Variants in PTBP3 observed in about 807,000 individuals in gnomAD.
PTBP3 encodes polypyrimidine tract-binding protein 3.
Under a neutral mutation model 58.7 loss-of-function variants are expected in PTBP3, and 20 were observed. That is an observed-to-expected ratio of 0.34 (90% CI 0.24 to 0.50). The LOEUF is 0.50. PTBP3 is among the 20% of genes least tolerant of loss of function. The probability of loss-of-function intolerance (pLI) is 0.98; values close to 1 mark genes in which losing one functional copy is unlikely to be tolerated. For synonymous variants in PTBP3, 185 were observed against 219.8 expected (o/e 0.84, Z 1.40); for missense variants, 509 against 637.2 (o/e 0.80, Z 2.17).
At chr9:112,355,981 CTTCT>C in the PTBP3 span, among the ~76,000 whole-genome samples, 49 of 147,738 alleles carry the variant, frequency 3.3e-4, no homozygotes, top group African/African-American at 8.2e-4. Context: ...TCCTTCCTTC[CTTCT>C]TTCTTTCTCT....
At chr9:112,252,101 T>G (rs927134262) in intron 6 of PTBP3, among the ~76,000 whole-genome samples, 6 of 152,124 alleles carry the variant, frequency 3.9e-5, no homozygotes, top group Non-Finnish European at 8.8e-5. Context: ...CAAAATAGGT[T>G]TTCGTGTACT....
chr9:112,257,581 A>G (rs1365044060), intron 5 of PTBP3, among the ~76,000 whole-genome samples: 2 of 152,196 alleles, frequency 1.3e-5, no homozygotes, highest in Non-Finnish European at 2.9e-5. Context: ...TCATCTTCAG[A>G]GTGATTTTTT....
At chr9:112,267,123 G>A (rs1836830562) in intron 4 of PTBP3, among the ~76,000 whole-genome samples, 1 of 151,644 alleles carries the variant, frequency 6.6e-6, no homozygotes. Context: ...AGAATACAGA[G>A]GCCAAACATG....
intron 5 of PTBP3, among the ~76,000 whole-genome samples, chr9:112,258,051 G>A (rs565022792): frequency 6.6e-6 from 1 of 151,636 alleles, no homozygotes; most frequent in Non-Finnish European, 1.5e-5. Flanking sequence ...GAAATAACAT[G>A]ATTTAAGAAC....
At chr9:112,234,714 T>C in intron 8 of PTBP3, 106 bp downstream of exon 8, 2 of 1,086,652 alleles carry the variant, frequency 1.8e-6, no homozygotes, top group Non-Finnish European at 2.7e-6. Flanking sequence ...TGCATAATGC[T>C]TTATGGTAAA....
At chr9:112,320,529 C>G (rs996952086) in intron 1 of PTBP3, among the ~76,000 whole-genome samples, 3 of 151,568 alleles carry the variant, frequency 2.0e-5, no homozygotes, top group African/African-American at 7.3e-5. Context: ...GGGAAAATCA[C>G]AGCTTTGTCT....
intron 1 of PTBP3, chr9:112,333,143 C>T: frequency 1.6e-6 from 2 of 1,244,448 alleles, no homozygotes; most frequent in Non-Finnish European, 2.0e-6. Context: ...AGCTGGGCTC[C>T]CCGGACTCGG....
At chr9:112,218,074 C>CTGTA (rs1308274779), downstream of PTBP3, 1 of 152,150 alleles carries the variant, frequency 6.6e-6, no homozygotes, top group Non-Finnish European at 1.5e-5. Flanking sequence ...AGTGTTCCAA[C>CTGTA]TGTAGTTTGG....
chr9:112,289,882 G>A (rs1828302285), intron 2 of PTBP3, among the ~76,000 whole-genome samples: 2 of 152,078 alleles, frequency 1.3e-5, no homozygotes, highest in African/African-American at 2.4e-5. Context: ...ATTTTTATTT[G>A]TAAATCAATT....
At chr9:112,378,217 CA>C in the PTBP3 span, among the ~76,000 whole-genome samples, 1 of 152,166 alleles carries the variant, frequency 6.6e-6, no homozygotes, top group African/African-American at 2.4e-5. Context: ...GAACTCTAGT[CA>C]AAGTACTGAA....
Position 112,223,693 on chromosome 9 carries a change from A to C in PTBP3, c.*158T>G, listed in dbSNP as rs576176470. The C allele has an allele frequency of 1.2e-5, 7 of 571,212 alleles. No homozygotes were observed. In the Admixed American group the frequency reaches 3.9e-4, roughly 32 times the overall value. The allele number at this position is 571,212 out of a possible 1,614,324, so 35.4% of individuals were successfully genotyped here. ...TGACTGGCGGGGGCAGGGGGAATAC[A>C]AAAAAAAAAAATCCCTTGATTTTTA... On this transcript the variant is annotated 3_prime_UTR_variant, in exon 14 of 14. Transcript: ENST00000374257.
intron 1 of PTBP3, among the ~76,000 whole-genome samples, chr9:112,304,729 C>G (rs967362232): frequency 6.6e-6 from 1 of 152,126 alleles, no homozygotes; most frequent in Non-Finnish European, 1.5e-5. Flanking sequence ...CTTTGCCTGG[C>G]TGATTTTTTA....
chr9:112,276,792 A>G lies in PTBP3; in HGVS notation c.35-779T>C, dbSNP rs79326460. On this transcript the variant is annotated intron_variant, in intron 2 of 13. Coordinates refer to ENST00000374257, the MANE Select transcript of PTBP3 (RefSeq NM_001163788.4). ...AATTTATTTAAATCCTATTGTTTCA[A>G]TACTGAGAATAACTAGAATTGACAA... Among the ~76,000 whole-genome samples, 1,312 of 152,318 alleles carry G rather than the reference A, an allele frequency of 8.6e-3. 23 individuals carry two copies. Among genetic ancestry groups the G allele is most frequent in the African/African-American group, 0.03 (1,251 of 41,568 alleles).
chr9:112,366,368 C>G, the PTBP3 span, among the ~76,000 whole-genome samples: 1 of 152,054 alleles, frequency 6.6e-6, no homozygotes. Flanking sequence ...TGTCAGAGGT[C>G]TTCATGGCAG....
At position 112,234,890 on chromosome 9, in the gene PTBP3, C is replaced by T. The variant is rs200966048; in HGVS notation, c.810G>A (p.Pro270=). Reference sequence around the variant, plus strand: ...CTGCATATGGTGAAGAAATTATACCCGGTGCACCTAATGGGAAAGAGAAGC... The same window carrying T: ...CTGCATATGGTGAAGAAATTATACCTGGTGCACCTAATGGGAAAGAGAAGC... The part of the protein sequence containing the change: ...EPPMAAAFGA[P]GIISSPYAGA... Residue 270 remains proline (P), a synonymous_variant, in exon 8 of 14, where the codon CCG becomes CCA. Coordinates refer to ENST00000374257, the MANE Select transcript of PTBP3 (RefSeq NM_001163788.4). 26 of 1,611,448 alleles carry T rather than the reference C, an allele frequency of 1.6e-5. No homozygotes were observed. The African/African-American group carries it at 2.0e-4, about 12-fold the overall frequency.
At chr9:112,360,207 A>G in the PTBP3 span, among the ~76,000 whole-genome samples, 1 of 152,116 alleles carries the variant, frequency 6.6e-6, no homozygotes, top group Non-Finnish European at 1.5e-5. Context: ...TTTCCAAGAC[A>G]GGGTCTTGCT....
intron 1 of PTBP3, among the ~76,000 whole-genome samples, chr9:112,325,866 A>C (rs1830135767): frequency 6.6e-6 from 1 of 152,124 alleles, no homozygotes; most frequent in Non-Finnish European, 1.5e-5. Context: ...AAAAACACAA[A>C]AATTAGCCCG....
the PTBP3 span, among the ~76,000 whole-genome samples, chr9:112,344,273 G>C: frequency 6.6e-6 from 1 of 152,110 alleles, no homozygotes; most frequent in Non-Finnish European, 1.5e-5. Flanking sequence ...GTTGAAATTT[G>C]ATTATCATTG....
At chr9:112,224,058 C>A in intron 13 of PTBP3, 75 bp from the exon 14 acceptor site, 1 of 1,552,472 alleles carries the variant, frequency 6.4e-7, no homozygotes. Flanking sequence ...CACCAGAAGA[C>A]TTCACTGAAC....
Sources: allele counts gnomAD v4.1 joint callset (sites outside exome capture counted in the v4.1 genomes callset), GRCh38; gene constraint gnomAD v4.1.1; transcripts MANE v1.5; gene names NCBI Gene and HGNC (gene_info 2026-07-23, HGNC 2026-07-21).